DIAPH2: variants seen among roughly 807,000 people sequenced by gnomAD.
DIAPH2 encodes protein diaphanous homolog 2.
A neutral mutation model predicts 92.7 loss-of-function variants in DIAPH2; 35 were observed. The ratio of observed to expected loss-of-function variants is 0.38; its 90% CI spans 0.29 to 0.50. The LOEUF is 0.50. DIAPH2 is among the 20% of genes least tolerant of loss of function. The pLI is 0.94. For missense variants in DIAPH2, 701 were observed against 819.5 expected (o/e 0.86, Z 1.77); for synonymous variants, 301 against 280.4 (o/e 1.07, Z -0.73).
intron 4 of DIAPH2, among the ~76,000 whole-genome samples, chrX:96,783,912 G>A (rs144392437): frequency 8.9e-6 from 1 of 111,925 alleles, no homozygotes; most frequent in Non-Finnish European, 1.9e-5. Context: ...AATATCCCAG[G>A]CATATCTATA....
chrX:96,817,611 G>A (rs961318831), intron 4 of DIAPH2, among the ~76,000 whole-genome samples: 2 of 111,160 alleles, frequency 1.8e-5, no homozygotes, highest in African/African-American at 3.3e-5. Flanking sequence ...TATTTCTCAC[G>A]GTTCTGGAGG....
At chrX:97,317,434 G>T (rs1392051223) in intron 23 of DIAPH2, among the ~76,000 whole-genome samples, 2 of 112,036 alleles carry the variant, frequency 1.8e-5, no homozygotes, top group Non-Finnish European at 3.8e-5. Flanking sequence ...TTTCTTTTAA[G>T]TGATGATTCA....
chrX:96,727,306 C>G (rs772399763), intron 1 of DIAPH2, among the ~76,000 whole-genome samples: 22 of 112,306 alleles, frequency 2.0e-4, no homozygotes, highest in Admixed American at 4.7e-4. Flanking sequence ...AGTCAGCTTT[C>G]TAAAATACCA....
At chrX:97,156,113 G>T (rs1023695766) in intron 22 of DIAPH2, among the ~76,000 whole-genome samples, 3 of 112,207 alleles carry the variant, frequency 2.7e-5, no homozygotes, top group African/African-American at 9.7e-5. Context: ...TGAAATAAGT[G>T]AGCCAAATGC....
At chrX:97,480,314 A>G (rs1230780860) in intron 26 of DIAPH2, among the ~76,000 whole-genome samples, 1 of 111,852 alleles carries the variant, frequency 8.9e-6, no homozygotes, top group Non-Finnish European at 1.9e-5. Context: ...ATAAAAAGCT[A>G]GGAGAGAGAA....
chrX:97,247,624 A>G (rs1038085082), intron 22 of DIAPH2, 91 bp from the exon 23 acceptor site: 26 of 901,167 alleles, frequency 2.9e-5, no homozygotes, highest in Non-Finnish European at 4.0e-5. Flanking sequence ...CCACATTTAA[A>G]AAAAAAGACT....
At chrX:96,710,122 T>G (rs910197651) in intron 1 of DIAPH2, among the ~76,000 whole-genome samples, 1 of 111,489 alleles carries the variant, frequency 9.0e-6, no homozygotes, top group African/African-American at 3.3e-5. Flanking sequence ...ACCTTGACAT[T>G]ATCTTAGTAC....
chrX:97,088,759 T>A (rs1383392480), intron 19 of DIAPH2, among the ~76,000 whole-genome samples: 1 of 112,296 alleles, frequency 8.9e-6, no homozygotes, highest in Non-Finnish European at 1.9e-5. Flanking sequence ...ACATAAAAAT[T>A]CCATACAATA....
chrX:97,504,055 C>T (rs2070816762), intron 26 of DIAPH2, among the ~76,000 whole-genome samples: 1 of 111,707 alleles, frequency 9.0e-6, no homozygotes, highest in African/African-American at 3.3e-5. Context: ...TGTAATGCCC[C>T]AATGTACCTT....
chrX:97,501,344 A>G lies in DIAPH2; in HGVS notation c.3241+71599A>G, dbSNP rs747174310. Among the ~76,000 whole-genome samples the G allele has an allele frequency of 3.6e-5, 4 of 112,016 alleles. No homozygotes were observed. The South Asian group carries it at 1.5e-3, about 42-fold the overall frequency. ...GTCTCTTTTCAAAAGCACTATATAT[A>G]TTTCAAATTTTAGAGTTTCTAGAGA... On this transcript the variant is annotated intron_variant, in intron 26 of 26. Transcript: ENST00000324765.
rs2070552304 is a variant in DIAPH2 at position 97,470,374 on chromosome X, T to C, written c.3241+40629T>C. ...TGTAATGCGTATATTTTTATATCTT[T>C]GCATGTATGAAGTTTATACATTCAG... On this transcript the variant is annotated intron_variant, in intron 26 of 26. Coordinates refer to ENST00000324765, the MANE Select transcript of DIAPH2 (RefSeq NM_006729.5). 2.7e-5 allele frequency among the ~76,000 whole-genome samples: 3 copies of C among 111,815 alleles called. No individual in the cohort carries two copies. The South Asian group carries it at 1.1e-3, about 42-fold the overall frequency.
chrX:97,159,879 C>T (rs1910699388), intron 22 of DIAPH2, among the ~76,000 whole-genome samples: 1 of 111,499 alleles, frequency 9.0e-6, no homozygotes, highest in Non-Finnish European at 1.9e-5. Context: ...GAATGTCCTT[C>T]TGATCTTTAT....
At chrX:96,749,963 G>A (rs774327772) in intron 3 of DIAPH2, among the ~76,000 whole-genome samples, 1 of 110,667 alleles carries the variant, frequency 9.0e-6, no homozygotes, top group Admixed American at 9.7e-5. Context: ...GGTTTGAAAA[G>A]GAGTTACTTT....
intron 26 of DIAPH2, among the ~76,000 whole-genome samples, chrX:97,560,213 A>G (rs748966282): frequency 1.2e-4 from 13 of 112,234 alleles, no homozygotes; most frequent in Admixed American, 5.6e-4. Flanking sequence ...TCCCATCTGT[A>G]TACAAGACTT....
chrX:96,749,570 C>T (rs190688435), intron 3 of DIAPH2, among the ~76,000 whole-genome samples: 1 of 111,814 alleles, frequency 8.9e-6, no homozygotes, highest in African/African-American at 3.2e-5. Context: ...CAGACCAATC[C>T]ATGAATCAAG....
chrX:97,228,387 A>C (rs2147523894), intron 22 of DIAPH2, among the ~76,000 whole-genome samples: 1 of 111,779 alleles, frequency 8.9e-6, no homozygotes, highest in East Asian at 2.8e-4. Context: ...TATGGTAGAA[A>C]ATTTGAAAAT....
chrX:97,301,150 C>CAAAAA (rs1220185711), intron 23 of DIAPH2, among the ~76,000 whole-genome samples: 3 of 32,246 alleles, frequency 9.3e-5, no homozygotes, highest in Admixed American at 3.8e-4. Context: ...GACTCCGTCT[C>CAAAAA]AAAAAAAAAA....
rs557792701 is a variant in DIAPH2, at chrX:97,022,633, G to GA, written c.2051-50299dup. On this transcript the variant is annotated intron_variant, in intron 17 of 26. Transcript: ENST00000324765. Reference sequence around the variant, plus strand: ...TCTGGAAATATCATTGGCAAATTTGGAAAAAAAAATTGTATACATCAAAAA... The same window carrying GA: ...TCTGGAAATATCATTGGCAAATTTGGAAAAAAAAAATTGTATACATCAAAAA... 6.0e-4 allele frequency among the ~76,000 whole-genome samples: 66 copies of GA among 109,182 alleles called. 1 individual carries two copies. The highest frequency in any genetic ancestry group is 2.0e-3 in the African/African-American group (59 of 30,142). 94.8% of individuals were successfully genotyped at this position (109,182 alleles called of 115,157 possible).
chrX:97,562,816 T>G (rs1370218939), intron 26 of DIAPH2, among the ~76,000 whole-genome samples: 1 of 111,937 alleles, frequency 8.9e-6, no homozygotes, highest in Admixed American at 9.5e-5. Context: ...AATGCCAAGG[T>G]TATTACCTAC....
Sources: allele counts gnomAD v4.1 joint callset (sites outside exome capture counted in the v4.1 genomes callset), GRCh38; gene constraint gnomAD v4.1.1; transcripts MANE v1.5; gene names NCBI Gene and HGNC (gene_info 2026-07-23, HGNC 2026-07-21).